Variants in TENM3 observed in about 807,000 individuals in gnomAD.
TENM3 encodes teneurin transmembrane protein 3.
A neutral mutation model predicts 255.1 loss-of-function variants in TENM3; 63 were observed. The ratio of observed to expected loss-of-function variants is 0.25; its 90% confidence interval spans 0.20 to 0.30. TENM3 has a LOEUF of 0.30. TENM3 is among the 10% of genes least tolerant of loss of function. TENM3 has a pLI of 1.00. For missense variants in TENM3, 2,929 were observed against 3,461.1 expected, an observed-to-expected ratio of 0.85 and a Z score of 3.86; for synonymous variants, 1,306 against 1,322.3, an observed-to-expected ratio of 0.99 and a Z score of 0.27.
intron 4 of TENM3, among the ~76,000 whole-genome samples, chr4:182,614,179 G>A (rs1749263941): frequency 6.6e-6 from 1 of 152,122 alleles, no homozygotes; most frequent in South Asian, 2.1e-4. Flanking sequence ...ATGCATACCA[G>A]AATTAATTTT....
At position 182,346,898 on chromosome 4, in the gene TENM3, G is replaced by A. The variant is rs748163285; in HGVS notation, c.480G>A (p.Thr160=). The A allele has an allele frequency of 1.2e-6, 2 of 1,611,218 alleles. No individual in the cohort carries two copies. The highest frequency in any genetic ancestry group is 1.1e-5 in the South Asian group (1 of 90,760). ...ACTCAGCCCTCACCCTGACAGATAC[G>A]GAGCACGAAAACAAGTCCGACAGTG... is the stretch of plus-strand genomic sequence containing the variant. ...RSNSALTLTD[T]EHENKSDSEN... The change falls in exon 3 of 28, where the codon ACG becomes ACA. Residue 160 remains threonine (T), a synonymous_variant. Coordinates refer to ENST00000511685, the MANE Select transcript of TENM3 (RefSeq NM_001080477.4).
At chr4:182,330,421 G>A (rs1229129647) in intron 2 of TENM3, among the ~76,000 whole-genome samples, 1 of 152,204 alleles carries the variant, frequency 6.6e-6, no homozygotes, top group African/African-American at 2.4e-5. Flanking sequence ...TGTGTCTTCA[G>A]AGATACGGCT....
chr4:181,469,389 G>A, the TENM3 span, among the ~76,000 whole-genome samples: 3 of 152,038 alleles, frequency 2.0e-5, no homozygotes, highest in African/African-American at 7.3e-5. Flanking sequence ...TGGCAATTAA[G>A]AAACAATGTT....
At chr4:182,430,553 AG>A (rs1241038625) in intron 3 of TENM3, among the ~76,000 whole-genome samples, 1 of 152,030 alleles carries the variant, frequency 6.6e-6, no homozygotes, top group African/African-American at 2.4e-5. Context: ...ATCTCAAACG[AG>A]AAAAAAGAGA....
At chr4:182,597,201 A>G (rs1487889644) in intron 3 of TENM3, among the ~76,000 whole-genome samples, 1 of 152,156 alleles carries the variant, frequency 6.6e-6, no homozygotes, top group Non-Finnish European at 1.5e-5. Context: ...CCAGGAGTTC[A>G]AGACTGGCCT....
chr4:182,682,678 A>G lies in TENM3; in HGVS notation c.2035+664A>G, dbSNP rs113383410. 9.5e-3 allele frequency among the ~76,000 whole-genome samples: 1,441 copies of G among 152,290 alleles called. 15 individuals are homozygous for G. The highest frequency in any genetic ancestry group is 0.017 in the Middle Eastern group (5 of 294). ...ACTATCATCATGACCTAGTATAAGT[A>G]TACATGCACATACTCACATAATTGA... is the stretch of plus-strand genomic sequence containing the variant. On this transcript the variant is annotated intron_variant, in intron 11 of 27. Coordinates refer to ENST00000511685, the MANE Select transcript of TENM3 (RefSeq NM_001080477.4).
chr4:181,598,362 A>C, the TENM3 span, among the ~76,000 whole-genome samples: 1 of 152,142 alleles, frequency 6.6e-6, no homozygotes, highest in African/African-American at 2.4e-5. Context: ...TAAAATCTCT[A>C]TCCTTCCCAC....
At chr4:181,622,425 C>T in the TENM3 span, among the ~76,000 whole-genome samples, 2 of 152,146 alleles carry the variant, frequency 1.3e-5, no homozygotes, top group South Asian at 4.1e-4. Context: ...CCTGTAATAC[C>T]AGCACTTTGG....
intron 3 of TENM3, among the ~76,000 whole-genome samples, chr4:182,363,664 T>C (rs1210606845): frequency 1.3e-5 from 2 of 152,090 alleles, no homozygotes; most frequent in African/African-American, 4.8e-5. Context: ...TACTTACAAG[T>C]GATATATCCA....
the TENM3 span, among the ~76,000 whole-genome samples, chr4:182,004,417 A>G: frequency 1.3e-5 from 2 of 152,186 alleles, no homozygotes. Flanking sequence ...TCATGGCTGC[A>G]TAGTATTACA....
intron 1 of TENM3, among the ~76,000 whole-genome samples, chr4:182,219,787 G>A (rs1454827725): frequency 6.6e-6 from 1 of 152,204 alleles, no homozygotes; most frequent in Non-Finnish European, 1.5e-5. Context: ...GCAAACTCAT[G>A]CAAATGGACA....
chr4:182,745,921 C>G (rs1053548988), intron 19 of TENM3, among the ~76,000 whole-genome samples: 20 of 152,142 alleles, frequency 1.3e-4, no homozygotes, highest in Non-Finnish European at 2.9e-4. Flanking sequence ...TAATCCCTCT[C>G]TCATGATCCT....
rs1031164326 is a variant in TENM3, at chr4:182,382,350, A to G, written c.511+35421A>G. Among the ~76,000 whole-genome samples the G allele has an allele frequency of 5.7e-5, 5 of 88,364 alleles. No individual in the cohort carries two copies. In the Admixed American group the frequency reaches 6.0e-4, roughly 11 times the overall value. The allele number at this position is 88,364 out of a possible 152,430, so 58.0% of individuals were successfully genotyped here. A position where few individuals can be genotyped will look rare whatever the true frequency, so the allele number is the denominator to read the frequency against. On this transcript the variant is annotated intron_variant, in intron 3 of 27. Coordinates refer to ENST00000511685, the MANE Select transcript of TENM3 (RefSeq NM_001080477.4). ...CATCAACTTTGATTGATATTTTTGC[A>G]CCATTTCTTGTTTTTTTTTTTTATA...
the TENM3 span, among the ~76,000 whole-genome samples, chr4:181,926,699 G>A: frequency 6.6e-6 from 1 of 152,046 alleles, no homozygotes; most frequent in Non-Finnish European, 1.5e-5. Flanking sequence ...GGCATCAAAA[G>A]ATATGGTCCT....
the TENM3 span, among the ~76,000 whole-genome samples, chr4:181,831,058 G>T: frequency 1.3e-5 from 2 of 151,950 alleles, no homozygotes; most frequent in Non-Finnish European, 2.9e-5. Flanking sequence ...CAAAAAACTG[G>T]TTTTTCATAA....
chr4:182,561,299 T>A (rs1339490108), intron 3 of TENM3, among the ~76,000 whole-genome samples: 1 of 151,760 alleles, frequency 6.6e-6, no homozygotes, highest in Non-Finnish European at 1.5e-5. Context: ...AAAATGATTT[T>A]AAAAATTAAC....
At position 182,793,934 on chromosome 4, in the gene TENM3, A is replaced by G. The variant is rs1480666381; in HGVS notation, c.7213+49A>G. The G allele has an allele frequency of 4.1e-6, 6 of 1,469,546 alleles. No individual in the cohort carries two copies. The African/African-American group carries it at 8.5e-5, about 21-fold the overall frequency. 91.0% of individuals were successfully genotyped at this position (1,469,546 alleles called of 1,614,324 possible). On this transcript the variant is annotated intron_variant, in intron 26 of 27. Transcript: ENST00000511685. This position sits in a 1 kb window ranked among gnomAD's most constrained non-coding sequence, Gnocchi z 5.7. Reference sequence around the variant, plus strand: ...AGAGCTGGAGGACTACCATCATTAGATTAATACACAAAATAACTGGAAATG... The same window carrying G: ...AGAGCTGGAGGACTACCATCATTAGGTTAATACACAAAATAACTGGAAATG...
chr4:181,930,625 C>A, the TENM3 span, among the ~76,000 whole-genome samples: 1 of 152,096 alleles, frequency 6.6e-6, no homozygotes, highest in Non-Finnish European at 1.5e-5. Flanking sequence ...TGAAATTGTT[C>A]CAAACAACAG....
intron 3 of TENM3, among the ~76,000 whole-genome samples, chr4:182,490,522 A>G (rs1561502398): frequency 6.6e-6 from 1 of 152,126 alleles, no homozygotes; most frequent in Non-Finnish European, 1.5e-5. Context: ...AATAAATCAT[A>G]TTGTAGTGCG....
Sources: gnomAD v4.1 joint callset for allele counts (sites outside exome capture counted in the v4.1 genomes callset) on GRCh38, gnomAD v4.1.1 for gene constraint, Gnocchi (gnomAD v3.1) non-coding constraint, MANE v1.5 for transcripts, NCBI Gene and HGNC (gene_info 2026-07-23, HGNC 2026-07-21) for gene names.